The following GLIS1 variants were observed in gnomAD, a reference collection of about 807,000 sequenced individuals.
GLIS1 encodes the protein zinc finger protein GLIS1.
Under a neutral mutation model 63.8 loss-of-function variants are expected in GLIS1, and 24 were observed. The ratio of observed to expected loss-of-function variants is 0.38; its 90% CI spans 0.27 to 0.53. The LOEUF (loss-of-function observed/expected upper bound fraction) is 0.53, where lower values mean the gene tolerates loss of function less well. Ranked by LOEUF, GLIS1 falls within the 20% of genes least tolerant of loss-of-function variation. The probability of loss-of-function intolerance (pLI) is 0.85; values close to 1 mark genes in which losing one functional copy is unlikely to be tolerated. For missense variants in GLIS1, 1,036 were observed against 1,074.1 expected, an observed-to-expected ratio of 0.96 and a Z score of 0.50; for synonymous variants, 450 against 482.5, an observed-to-expected ratio of 0.93 and a Z score of 0.88.
rs926677421 is a variant in GLIS1, at chr1:53,622,208, A to G, written c.260-21930T>C. Among the ~76,000 whole-genome samples, 4 of 151,918 alleles carry G rather than the reference A, an allele frequency of 2.6e-5. No individual in the cohort carries two copies. The East Asian group carries it at 7.9e-4, about 30-fold the overall frequency. Reference sequence around the variant, plus strand: ...TTTGGGAGGCCGAGGTGGGTGGATCACTAGAGGTCAGGAGTTCGAGACCAG... The same window carrying G: ...TTTGGGAGGCCGAGGTGGGTGGATCGCTAGAGGTCAGGAGTTCGAGACCAG... On this transcript the variant is annotated intron_variant, in intron 2 of 10. Coordinates refer to ENST00000628545, the MANE Select transcript of GLIS1 (RefSeq NM_001367484.1).
chr1:53,621,787 G>A (rs997781235), intron 2 of GLIS1, among the ~76,000 whole-genome samples: 3 of 151,924 alleles, frequency 2.0e-5, no homozygotes, highest in African/African-American at 7.3e-5. Context: ...CATTTGATTT[G>A]GTCATCAGAC....
chr1:53,622,335 G>A (rs1645552498), intron 2 of GLIS1, among the ~76,000 whole-genome samples: 1 of 149,388 alleles, frequency 6.7e-6, no homozygotes, highest in Non-Finnish European at 1.5e-5. Flanking sequence ...GACTGAGGAA[G>A]GAGAATCATT....
chr1:53,572,536 T>A (rs1054891625), intron 4 of GLIS1, among the ~76,000 whole-genome samples: 1 of 152,198 alleles, frequency 6.6e-6, no homozygotes, highest in Non-Finnish European at 1.5e-5. Flanking sequence ...TCCAGCCCTG[T>A]CATAGGAGCA....
At position 53,526,453 on chromosome 1, in the gene GLIS1, G is replaced by A. The variant is rs1644469807; in HGVS notation, c.1483-1566C>T. On this transcript the variant is annotated intron_variant, in intron 5 of 10. Coordinates refer to ENST00000628545, the MANE Select transcript of GLIS1 (RefSeq NM_001367484.1). This position sits in a 1 kb window ranked among gnomAD's most constrained non-coding sequence, Gnocchi z 4.4. ...GGGTTGGCCTGGGAGGGAGAGCGGAGGCCTGCCGCGGATGGCCCCTGCTGC... is the reference window on the plus strand; with the variant it reads ...GGGTTGGCCTGGGAGGGAGAGCGGAAGCCTGCCGCGGATGGCCCCTGCTGC... 6.6e-6 allele frequency among the ~76,000 whole-genome samples: 1 copy of A among 152,140 alleles called. No homozygotes were observed. The highest frequency in any genetic ancestry group is 6.5e-5 in the Admixed American group (1 of 15,280).
chr1:53,735,223 A>G (rs560827884), intron 2 of GLIS1, among the ~76,000 whole-genome samples: 7 of 152,188 alleles, frequency 4.6e-5, no homozygotes, highest in Non-Finnish European at 8.8e-5. Context: ...AGCACACCAC[A>G]GTTAGCACCC....
At position 53,580,277 on chromosome 1, in the gene GLIS1, G is replaced by A. The variant is rs115625723; in HGVS notation, c.1320+13831C>T. ...TCTTTCAGGGCTGGAGCCCCAGGCCGCTGCCCCAAGCCCTCCCTTTCCCGA... is the reference window on the plus strand; with the variant it reads ...TCTTTCAGGGCTGGAGCCCCAGGCCACTGCCCCAAGCCCTCCCTTTCCCGA... On this transcript the variant is annotated intron_variant, in intron 4 of 10. Coordinates refer to ENST00000628545, the MANE Select transcript of GLIS1 (RefSeq NM_001367484.1). Among the ~76,000 whole-genome samples, 683 of 152,252 alleles carry A rather than the reference G, an allele frequency of 4.5e-3. 3 individuals carry two copies. Among genetic ancestry groups the A allele is most frequent in the African/African-American group, 0.015 (625 of 41,532 alleles).
chr1:53,584,250 A>G (rs1645112660), intron 4 of GLIS1, among the ~76,000 whole-genome samples: 1 of 152,114 alleles, frequency 6.6e-6, no homozygotes, highest in South Asian at 2.1e-4. Flanking sequence ...CTTACACTAG[A>G]CCTTGAGGCC....
intron 4 of GLIS1, among the ~76,000 whole-genome samples, chr1:53,583,980 G>A (rs369213241): frequency 6.6e-6 from 1 of 152,206 alleles, no homozygotes. Context: ...GCCCCAGCAC[G>A]ACACACTAGG....
intron 2 of GLIS1, among the ~76,000 whole-genome samples, chr1:53,635,903 G>A (rs1320173230): frequency 1.3e-5 from 2 of 152,110 alleles, no homozygotes; most frequent in Non-Finnish European, 2.9e-5. Flanking sequence ...AAAGACAACG[G>A]AAAAACTAAA....
intron 4 of GLIS1, among the ~76,000 whole-genome samples, chr1:53,570,181 T>G (rs1385083706): frequency 6.6e-6 from 1 of 151,954 alleles, no homozygotes; most frequent in African/African-American, 2.4e-5. Flanking sequence ...GTATTTATAA[T>G]AGATAGTTTA....
chr1:53,577,515 G>T (rs1645044198), intron 4 of GLIS1, among the ~76,000 whole-genome samples: 1 of 152,196 alleles, frequency 6.6e-6, no homozygotes. Flanking sequence ...CTCCTTGAGT[G>T]CGGGAAGTGA....
intron 2 of GLIS1, among the ~76,000 whole-genome samples, chr1:53,667,218 G>A (rs927871250): frequency 2.0e-5 from 3 of 152,182 alleles, no homozygotes; most frequent in African/African-American, 7.2e-5. Context: ...GCACCTGCAC[G>A]CCCACAACGG....
At chr1:53,567,403 G>A (rs1359713757) in intron 4 of GLIS1, among the ~76,000 whole-genome samples, 1 of 152,226 alleles carries the variant, frequency 6.6e-6, no homozygotes, top group African/African-American at 2.4e-5. Flanking sequence ...TGGAACTTAT[G>A]TTGAAAAGGG....
At chr1:53,507,104 G>A (rs1644242573) in intron 10 of GLIS1, among the ~76,000 whole-genome samples, 1 of 152,146 alleles carries the variant, frequency 6.6e-6, no homozygotes, top group Admixed American at 6.5e-5. Flanking sequence ...GGTAGGAGCA[G>A]CTCAGCCCTT....
In GLIS1 at chr1:53,509,249, G is replaced by A. The variant is rs1275016666; in HGVS notation, c.2101C>T (p.Pro701Ser). ...GSFHSIQSCF[P>S]YGDCYRMAEP... is the part of the protein sequence containing the mutation. ...GCCATCCGGTAGCAGTCGCCATAGG[G>A]GAAGCAACTCTGGATGGAGTGGAAA... Residue 701 changes from proline to serine, a missense_variant, in exon 10 of 11, where the codon CCC becomes TCC. Physicochemically the swap from Pro to Ser is moderately conservative, Grantham distance 74 (BLOSUM62 -1). Transcript: ENST00000628545. The A allele has an allele frequency of 6.3e-7, 1 of 1,594,756 alleles. No individual in the cohort carries two copies. The highest frequency in any genetic ancestry group is 8.5e-7 in the Non-Finnish European group (1 of 1,170,710).
chr1:53,700,402 CCTGTGACAGCAT>C (rs1481006159), intron 2 of GLIS1, among the ~76,000 whole-genome samples: 1 of 152,168 alleles, frequency 6.6e-6, no homozygotes, highest in Non-Finnish European at 1.5e-5. Flanking sequence ...TGGGTTTCTT[CCTGTGACAGCAT>C]CTGTGAAGTG....
chr1:53,577,386 C>T (rs527620785), intron 4 of GLIS1, among the ~76,000 whole-genome samples: 93 of 152,306 alleles, frequency 6.1e-4, no homozygotes, highest in Non-Finnish European at 1.0e-3. Flanking sequence ...TAGCAGACTC[C>T]GCACTGCCTC....
At chr1:53,554,753 C>T (rs1644799656) in intron 4 of GLIS1, among the ~76,000 whole-genome samples, 1 of 152,212 alleles carries the variant, frequency 6.6e-6, no homozygotes, top group Admixed American at 6.5e-5. Flanking sequence ...GCCCCCACAG[C>T]CGGGTCTGAC....
chr1:53,691,259 T>C (rs1450641338), intron 2 of GLIS1, among the ~76,000 whole-genome samples: 1 of 152,122 alleles, frequency 6.6e-6, no homozygotes, highest in East Asian at 1.9e-4. Flanking sequence ...GTACCCACAG[T>C]GGGAGCTTCA....
Sources: allele counts gnomAD v4.1 joint callset (sites outside exome capture counted in the v4.1 genomes callset), GRCh38; gene constraint gnomAD v4.1.1; non-coding constraint Gnocchi (gnomAD v3.1); transcripts MANE v1.5; gene names NCBI Gene and HGNC (gene_info 2026-07-23, HGNC 2026-07-21).